The following TMEM116 variants were observed in gnomAD, a reference collection of about 807,000 sequenced individuals.
TMEM116 encodes the protein transmembrane protein 116.
In TMEM116, 38 loss-of-function variants were observed where a neutral mutation model predicts 44.3. That is an observed-to-expected ratio of 0.86 (90% confidence interval 0.66 to 1.12). The LOEUF (loss-of-function observed/expected upper bound fraction) is 1.12. Ranked by LOEUF, TMEM116 falls within the 50% of genes most tolerant of loss-of-function variation. The probability of loss-of-function intolerance (pLI) is 0.00; values close to 1 mark genes in which losing one functional copy is unlikely to be tolerated. For synonymous variants in TMEM116, 132 were observed against 144.8 expected (o/e 0.91, Z 0.64); for missense variants, 354 against 401.7 (o/e 0.88, Z 1.01).
At chr12:111,943,498 G>T in intron 4 of TMEM116, 129 bp from the exon 5 acceptor site, 1 of 678,266 alleles carries the variant, frequency 1.5e-6, no homozygotes, top group Non-Finnish European at 2.5e-6. Context: ...ACCATCTAGT[G>T]TCCATACCAG....
intron 4 of TMEM116, among the ~76,000 whole-genome samples, chr12:111,975,108 A>G (rs1438937396): frequency 2.0e-5 from 3 of 152,234 alleles, no homozygotes; most frequent in Non-Finnish European, 4.4e-5. Context: ...TAAAATCCCA[A>G]TTAAAATCTC....
At chr12:111,956,853 G>A (rs1030962323) in intron 4 of TMEM116, among the ~76,000 whole-genome samples, 6 of 152,114 alleles carry the variant, frequency 3.9e-5, no homozygotes, top group Non-Finnish European at 7.4e-5. Flanking sequence ...GCGTGATCTC[G>A]GATCGCTACA....
chr12:111,944,907 A>C (rs553604359), intron 4 of TMEM116, among the ~76,000 whole-genome samples: 32 of 152,056 alleles, frequency 2.1e-4, no homozygotes, highest in African/African-American at 6.5e-4. Context: ...TGCCCTCACA[A>C]GGCTTAAAAG....
intron 5 of TMEM116, among the ~76,000 whole-genome samples, chr12:111,942,366 G>A (rs564818524): frequency 6.6e-6 from 1 of 152,048 alleles, no homozygotes; most frequent in Admixed American, 6.5e-5. Flanking sequence ...TCCGCCTCCC[G>A]GGTTCATGCC....
chr12:112,006,311 G>GT (rs1412611831), intron 1 of TMEM116, among the ~76,000 whole-genome samples: 1 of 152,046 alleles, frequency 6.6e-6, no homozygotes, highest in Non-Finnish European at 1.5e-5. Context: ...AAAAAGATGA[G>GT]TCATAGTGAA....
At chr12:111,997,079 A>T (rs1316770317) in intron 3 of TMEM116, among the ~76,000 whole-genome samples, 1 of 152,210 alleles carries the variant, frequency 6.6e-6, no homozygotes, top group Non-Finnish European at 1.5e-5. Context: ...TTATCTCTAG[A>T]GGTGAGAGGG....
intron 4 of TMEM116, among the ~76,000 whole-genome samples, chr12:111,962,312 C>A (rs772805510): frequency 1.2e-4 from 19 of 152,166 alleles, no homozygotes; most frequent in Non-Finnish European, 2.1e-4. Flanking sequence ...TTAGAAAAAA[C>A]TACTTTAAAT....
chr12:112,007,655 G>A (rs1458026799), intron 1 of TMEM116, among the ~76,000 whole-genome samples: 1 of 152,164 alleles, frequency 6.6e-6, no homozygotes, highest in Non-Finnish European at 1.5e-5. Flanking sequence ...TAAAGGTGAG[G>A]AGACTACTGA....
chr12:111,958,280 A>C (rs1244579562), intron 4 of TMEM116, among the ~76,000 whole-genome samples: 8 of 88,462 alleles, frequency 9.0e-5, no homozygotes, highest in African/African-American at 4.1e-4. Context: ...TAAATACTAA[A>C]AAAAAAAAAA....
At chr12:112,008,297 A>G (rs550232269) in intron 1 of TMEM116, among the ~76,000 whole-genome samples, 1 of 152,268 alleles carries the variant, frequency 6.6e-6, no homozygotes, top group East Asian at 1.9e-4. Flanking sequence ...CCTGGCCAAG[A>G]TGGTGAAACC....
intron 9 of TMEM116, among the ~76,000 whole-genome samples, chr12:111,933,592 C>A (rs1246766532): frequency 3.3e-5 from 5 of 151,062 alleles, no homozygotes; most frequent in Admixed American, 6.6e-5. Flanking sequence ...AGGTTCACAC[C>A]ATTCTCCTGC....
intron 4 of TMEM116, among the ~76,000 whole-genome samples, chr12:111,945,767 C>T (rs1222143190): frequency 6.6e-6 from 1 of 151,944 alleles, no homozygotes; most frequent in African/African-American, 2.4e-5. Flanking sequence ...ACAGATAGTC[C>T]CTAACTTTAT....
intron 4 of TMEM116, among the ~76,000 whole-genome samples, chr12:111,970,790 G>A (rs935526630): frequency 7.9e-5 from 12 of 151,914 alleles, no homozygotes; most frequent in Non-Finnish European, 1.0e-4. Context: ...GGGTTTCACC[G>A]TGTTAGCCAG....
intron 4 of TMEM116, among the ~76,000 whole-genome samples, chr12:111,985,219 T>C (rs1016690064): frequency 6.6e-6 from 1 of 152,054 alleles, no homozygotes; most frequent in Non-Finnish European, 1.5e-5. Flanking sequence ...AAAAGGAAGA[T>C]ATAAAATCAT....
At chr12:112,004,950 T>A (rs1364979226) in intron 2 of TMEM116, among the ~76,000 whole-genome samples, 1 of 152,152 alleles carries the variant, frequency 6.6e-6, no homozygotes, top group Non-Finnish European at 1.5e-5. Flanking sequence ...CCCTGCCAAT[T>A]TTCTCTTTGT....
At chr12:112,004,655 T>C (rs2136726126) in intron 2 of TMEM116, among the ~76,000 whole-genome samples, 1 of 145,724 alleles carries the variant, frequency 6.9e-6, no homozygotes, top group South Asian at 2.2e-4. Context: ...GCCATGCCAA[T>C]CTTTTTTTTT....
At chr12:112,004,781 T>A (rs556894821) in intron 2 of TMEM116, among the ~76,000 whole-genome samples, 1 of 152,062 alleles carries the variant, frequency 6.6e-6, no homozygotes, top group South Asian at 2.1e-4. Context: ...TGTCCAGCTA[T>A]TTTTATGGGG....
intron 4 of TMEM116, among the ~76,000 whole-genome samples, chr12:111,974,139 A>G (rs1485677475): frequency 1.3e-5 from 2 of 152,054 alleles, no homozygotes; most frequent in Non-Finnish European, 2.9e-5. Flanking sequence ...CAATTTTAAA[A>G]ACAGAGAAAA....
chr12:111,987,477 C>T (rs1437518900), intron 4 of TMEM116, among the ~76,000 whole-genome samples: 1 of 150,240 alleles, frequency 6.7e-6, no homozygotes, highest in African/African-American at 2.5e-5. Context: ...TGCACTCCAG[C>T]CTGGGTGAGA....
Sources: allele counts gnomAD v4.1 joint callset (sites outside exome capture counted in the v4.1 genomes callset), GRCh38; gene constraint gnomAD v4.1.1; transcripts MANE v1.5; gene names NCBI Gene and HGNC (gene_info 2026-07-23, HGNC 2026-07-21).